Variants in TTBK2 observed in about 807,000 individuals in gnomAD.
TTBK2 encodes tau tubulin kinase 2, also known as tau-tubulin kinase 2.
Under a neutral mutation model 110.8 loss-of-function variants are expected in TTBK2, and 28 were observed. The ratio of observed to expected loss-of-function variants is 0.25; its 90% confidence interval spans 0.19 to 0.35. The LOEUF is 0.35. TTBK2 is among the 10% of genes least tolerant of loss of function. The probability of loss-of-function intolerance (pLI) is 1.00; values close to 1 mark genes in which losing one functional copy is unlikely to be tolerated. For missense variants in TTBK2, 1,369 were observed against 1,500.3 expected (o/e 0.91, Z 1.45); for synonymous variants, 532 against 527.3 (o/e 1.01, Z -0.12).
At chr15:42,917,760 A>G (rs1052234212) in intron 1 of TTBK2, among the ~76,000 whole-genome samples, 14 of 152,060 alleles carry the variant, frequency 9.2e-5, no homozygotes, top group Admixed American at 4.6e-4. Flanking sequence ...TTGAAGGTAT[A>G]TTGCAATATT....
intron 9 of TTBK2, among the ~76,000 whole-genome samples, chr15:42,803,737 G>T (rs184709194): frequency 2.6e-4 from 39 of 152,224 alleles, no homozygotes; most frequent in African/African-American, 9.2e-4. Flanking sequence ...GAAGAAAAAT[G>T]AGATGATTTT....
At chr15:42,912,363 A>G (rs1365383804) in intron 1 of TTBK2, among the ~76,000 whole-genome samples, 1 of 152,224 alleles carries the variant, frequency 6.6e-6, no homozygotes. Flanking sequence ...GAGGGAAACT[A>G]GATAATTCAC....
At chr15:42,895,836 C>T (rs1409096394) in intron 1 of TTBK2, among the ~76,000 whole-genome samples, 1 of 152,014 alleles carries the variant, frequency 6.6e-6, no homozygotes, top group Non-Finnish European at 1.5e-5. Context: ...CACACCTGGC[C>T]ATCAAAAAGA....
At chr15:42,803,222 T>C (rs1891301153) in intron 9 of TTBK2, among the ~76,000 whole-genome samples, 1 of 152,234 alleles carries the variant, frequency 6.6e-6, no homozygotes, top group South Asian at 2.1e-4. Flanking sequence ...GTATAGCCTA[T>C]TGCTACTAGG....
chr15:42,890,087 C>T, intron 1 of TTBK2, among the ~76,000 whole-genome samples: 1 of 152,190 alleles, frequency 6.6e-6, no homozygotes, highest in East Asian at 1.9e-4. Context: ...GACATTCCAC[C>T]ATTGTGATTT....
At chr15:42,821,281 G>C (rs897367109) in intron 6 of TTBK2, among the ~76,000 whole-genome samples, 2 of 152,172 alleles carry the variant, frequency 1.3e-5, no homozygotes, top group East Asian at 3.8e-4. Context: ...GGAGCAGGGG[G>C]AAGAATCAGA....
At chr15:42,794,492 G>C (rs571456203) in intron 10 of TTBK2, 152 bp downstream of exon 10, 2 of 1,032,420 alleles carry the variant, frequency 1.9e-6, no homozygotes, top group Non-Finnish European at 3.0e-6. Flanking sequence ...AATTCCAAAG[G>C]CGTACATAAG....
intron 1 of TTBK2, among the ~76,000 whole-genome samples, chr15:42,916,608 C>G (rs6493071): frequency 0.85 from 128,885 of 152,230 alleles, 54,735 homozygotes; most frequent in Non-Finnish European, 0.88. Context: ...TAGGATTACA[C>G]GTGTGAGCCA....
chr15:42,898,771 A>G lies in TTBK2; in HGVS notation c.-67-20087T>C, dbSNP rs115270054. Among the ~76,000 whole-genome samples, 416 of 152,352 alleles carry G rather than the reference A, an allele frequency of 2.7e-3. 3 individuals carry two copies. The highest frequency in any genetic ancestry group is 9.7e-3 in the African/African-American group (405 of 41,578). On this transcript the variant is annotated intron_variant, in intron 1 of 14. Transcript: ENST00000267890. ...CTGGTAGATAATGACTACAACTGAA[A>G]AATTAATCAGCAGTAACACAAGCAT...
At chr15:42,878,018 TA>T (rs58433944) in intron 2 of TTBK2, among the ~76,000 whole-genome samples, 22,585 of 136,896 alleles carry the variant, frequency 0.16, 1,875 homozygotes, top group African/African-American at 0.24. Flanking sequence ...TTTTCCTTAA[TA>T]AAAAAAAAAA....
chr15:42,783,466 C>T lies in TTBK2; in HGVS notation c.1150G>A (p.Glu384Lys). ...HPRPQEKDVW[E>K]EMDANKNKIK... is the part of the protein sequence containing the mutation. ...TTGTTTTTGTTGGCATCCATCTCTT[C>T]CCAAACATCCTTCTCCTGGGGACGG... Residue 384 changes from glutamate to lysine, a missense_variant, in exon 11 of 15, where the codon GAA (glutamate) becomes AAA (lysine). Transcript: ENST00000267890. 6 of 1,614,176 alleles carry T rather than the reference C, an allele frequency of 3.7e-6. No individual in the cohort carries two copies. The highest frequency in any genetic ancestry group is 5.1e-6 in the Non-Finnish European group (6 of 1,180,032).
rs1889866355 is a variant in TTBK2, at chr15:42,775,402, A to G, written c.1731T>C (p.Ser577=). The part of the protein sequence containing the change: ...NEAVGHKTTG[S]PSDEEPEVLQ... ...GTACTTCAGGCTCCTCATCAGAAGG[A>G]CTTCCAGTTGTTTTATGTCCTACAG... Residue 577 remains serine (S), a synonymous_variant, in exon 13 of 15, where the codon AGT becomes AGC. Transcript: ENST00000267890. 6.2e-7 allele frequency: 1 copy of G among 1,614,068 alleles called. No homozygotes were observed. Among genetic ancestry groups the G allele is most frequent in the South Asian group, 1.1e-5 (1 of 91,090 alleles).
intron 1 of TTBK2, among the ~76,000 whole-genome samples, chr15:42,917,642 A>G (rs1817354650): frequency 6.6e-6 from 1 of 152,062 alleles, no homozygotes. Flanking sequence ...GCCTGGGGAA[A>G]AAACTTCCAC....
At chr15:42,788,324 T>C (rs1890498385) in intron 10 of TTBK2, among the ~76,000 whole-genome samples, 2 of 152,316 alleles carry the variant, frequency 1.3e-5, no homozygotes, top group South Asian at 2.1e-4. Context: ...TGATCAATTT[T>C]TGTGAATGTT....
At chr15:42,765,226 C>T (rs1889303716) in intron 13 of TTBK2, among the ~76,000 whole-genome samples, 1 of 152,224 alleles carries the variant, frequency 6.6e-6, no homozygotes, top group Non-Finnish European at 1.5e-5. Flanking sequence ...AGGATTGCAG[C>T]TCCTCGCCAT....
chr15:42,850,673 T>C (rs904420897), intron 3 of TTBK2, among the ~76,000 whole-genome samples: 4 of 152,160 alleles, frequency 2.6e-5, no homozygotes, highest in South Asian at 2.1e-4. Context: ...AATAATCTTA[T>C]TGAGGAAGAG....
chr15:42,829,791 T>C (rs1310872141), intron 5 of TTBK2, 147 bp downstream of exon 5: 8 of 1,047,416 alleles, frequency 7.6e-6, no homozygotes, highest in Non-Finnish European at 1.1e-5. Flanking sequence ...AGTTATATTT[T>C]TGCTTCCAGG....
In TTBK2 at chr15:42,783,531, C is replaced by A; in HGVS notation, c.1085G>T (p.Gly362Val). ...LSDGENGIPV[G>V]VSPDKLPGSL... is the part of the protein sequence containing the mutation. The stretch of plus-strand genomic sequence containing the variant: ...TCCAGGCAATTTATCTGGTGACACA[C>A]CAACAGGGATGCCATTTTCTCCATC... The change falls in exon 11 of 15, where the codon GGT (glycine) becomes GTT (valine). Residue 362 changes from glycine to valine, a missense_variant. Transcript: ENST00000267890. The A allele has an allele frequency of 1.2e-6, 2 of 1,614,090 alleles. No homozygotes were observed. Among genetic ancestry groups the A allele is most frequent in the Non-Finnish European group, 1.7e-6 (2 of 1,180,020 alleles).
intron 4 of TTBK2, among the ~76,000 whole-genome samples, chr15:42,837,040 A>G (rs956217662): frequency 3.3e-5 from 5 of 152,150 alleles, no homozygotes; most frequent in Admixed American, 3.3e-4. Context: ...AAAATGAGAG[A>G]AAGCAGGATC....
Sources: gnomAD v4.1 joint callset for allele counts (sites outside exome capture counted in the v4.1 genomes callset) on GRCh38, gnomAD v4.1.1 for gene constraint, MANE v1.5 for transcripts, NCBI Gene and HGNC (gene_info 2026-07-23, HGNC 2026-07-21) for gene names.